The following CDH18 variants were observed in gnomAD, a reference collection of about 807,000 sequenced individuals.
CDH18 encodes cadherin 18.
Under a neutral mutation model 67.9 loss-of-function variants are expected in CDH18, and 31 were observed. The observed-to-expected ratio is 0.46, with a 90% CI of 0.34 to 0.62. The LOEUF is 0.62. Ranked by LOEUF, CDH18 falls within the 20% of genes least tolerant of loss-of-function variation. CDH18 has a pLI of 0.01. For synonymous variants in CDH18, 362 were observed against 347.2 expected (o/e 1.04, Z -0.48); for missense variants, 890 against 975.5 (o/e 0.91, Z 1.17).
At chr5:19,887,713 G>T (rs939991394) in intron 2 of CDH18, among the ~76,000 whole-genome samples, 1 of 151,084 alleles carries the variant, frequency 6.6e-6, no homozygotes, top group Admixed American at 6.6e-5. Flanking sequence ...GTGACCACAG[G>T]TGCACACCAC....
intron 2 of CDH18, among the ~76,000 whole-genome samples, chr5:20,229,269 G>T (rs1461371140): frequency 1.3e-5 from 2 of 152,008 alleles, no homozygotes; most frequent in African/African-American, 4.8e-5. Flanking sequence ...TTGATGCACT[G>T]TGTACTTCAC....
chr5:19,925,212 AGAG>A (rs2150181155), intron 2 of CDH18, among the ~76,000 whole-genome samples: 1 of 152,300 alleles, frequency 6.6e-6, no homozygotes, highest in Admixed American at 6.5e-5. Flanking sequence ...GTCTTCCTGA[AGAG>A]GAGGGCACCC....
At chr5:19,612,968 G>A (rs967755997) in intron 5 of CDH18, among the ~76,000 whole-genome samples, 5 of 151,398 alleles carry the variant, frequency 3.3e-5, no homozygotes, top group Non-Finnish European at 5.9e-5. Context: ...GTGAAACCCC[G>A]TCTCTACTAA....
At chr5:19,961,503 T>C (rs1347603828) in intron 2 of CDH18, among the ~76,000 whole-genome samples, 1 of 152,150 alleles carries the variant, frequency 6.6e-6, no homozygotes, top group Non-Finnish European at 1.5e-5. Flanking sequence ...ATGTTATTGG[T>C]CAATATCAGT....
chr5:20,358,415 C>T (rs535305693), intron 1 of CDH18, among the ~76,000 whole-genome samples: 2 of 152,296 alleles, frequency 1.3e-5, no homozygotes, highest in African/African-American at 4.8e-5. Flanking sequence ...CATCCCATTT[C>T]CTATCAGGTG....
chr5:19,936,167 A>T (rs1391628841), intron 2 of CDH18, among the ~76,000 whole-genome samples: 1 of 151,242 alleles, frequency 6.6e-6, no homozygotes, highest in Non-Finnish European at 1.5e-5. Flanking sequence ...AATTGATTCC[A>T]ATGTATTTTA....
chr5:20,115,270 C>T (rs1477283097), intron 2 of CDH18, among the ~76,000 whole-genome samples: 342 of 58,060 alleles, frequency 5.9e-3, no homozygotes, highest in South Asian at 0.015. Flanking sequence ...AGGGCCTCAT[C>T]TTTTTTTTTT....
intron 1 of CDH18, among the ~76,000 whole-genome samples, chr5:20,426,379 G>A (rs191733067): frequency 1.9e-4 from 28 of 151,144 alleles, no homozygotes; most frequent in Admixed American, 5.2e-4. Context: ...AGAAATTATT[G>A]CAGTTTTTAC....
At chr5:20,286,286 G>T (rs904830455) in intron 1 of CDH18, among the ~76,000 whole-genome samples, 1 of 151,402 alleles carries the variant, frequency 6.6e-6, no homozygotes, top group Non-Finnish European at 1.5e-5. Flanking sequence ...CATTTAGTTA[G>T]GTGATTTGTT....
At chr5:19,913,777 T>C (rs1481800131) in intron 2 of CDH18, among the ~76,000 whole-genome samples, 1 of 152,202 alleles carries the variant, frequency 6.6e-6, no homozygotes, top group East Asian at 1.9e-4. Context: ...CATATTAAAA[T>C]GTTATCTCCT....
At chr5:20,251,264 A>G (rs1743837377) in intron 2 of CDH18, among the ~76,000 whole-genome samples, 1 of 152,104 alleles carries the variant, frequency 6.6e-6, no homozygotes, top group South Asian at 2.1e-4. Context: ...AAAGTTATGA[A>G]TTTTTCATTT....
chr5:19,587,702 T>C (rs928793596), intron 7 of CDH18, among the ~76,000 whole-genome samples: 4 of 151,952 alleles, frequency 2.6e-5, no homozygotes, highest in Non-Finnish European at 2.9e-5. Flanking sequence ...TGTAGCACTG[T>C]AGTATAGTTT....
chr5:19,607,796 G>A (rs908971038), intron 6 of CDH18, among the ~76,000 whole-genome samples: 1 of 150,930 alleles, frequency 6.6e-6, no homozygotes, highest in Admixed American at 6.6e-5. Context: ...TACAATTATA[G>A]AAAACATTAT....
chr5:20,273,664 T>G (rs897987886), intron 1 of CDH18, among the ~76,000 whole-genome samples: 1 of 152,130 alleles, frequency 6.6e-6, no homozygotes, highest in Middle Eastern at 3.2e-3. Flanking sequence ...ATTTTATATT[T>G]GCTAGAAATA....
intron 3 of CDH18, among the ~76,000 whole-genome samples, chr5:19,815,070 A>T (rs1684581944): frequency 1.3e-5 from 2 of 152,126 alleles, no homozygotes; most frequent in South Asian, 2.1e-4. Flanking sequence ...AAACATAATT[A>T]ACCTTAATTA....
At chr5:19,782,909 T>G (rs1483965475) in intron 3 of CDH18, among the ~76,000 whole-genome samples, 1 of 152,198 alleles carries the variant, frequency 6.6e-6, no homozygotes, top group African/African-American at 2.4e-5. Flanking sequence ...TTTTATTTTG[T>G]GTGGCCTACA....
At chr5:20,419,971 G>A (rs1747729386) in intron 1 of CDH18, among the ~76,000 whole-genome samples, 1 of 150,556 alleles carries the variant, frequency 6.6e-6, no homozygotes, top group South Asian at 2.1e-4. Flanking sequence ...AACTTTTCTG[G>A]TAATATATTT....
At chr5:20,526,549 C>T (rs984195485) in intron 1 of CDH18, among the ~76,000 whole-genome samples, 4 of 152,038 alleles carry the variant, frequency 2.6e-5, no homozygotes, top group African/African-American at 4.8e-5. Flanking sequence ...ACGAAGCTTC[C>T]GGAGGAAGGA....
intron 9 of CDH18, among the ~76,000 whole-genome samples, chr5:19,527,727 C>T (rs1342793733): frequency 6.6e-6 from 1 of 151,688 alleles, no homozygotes; most frequent in Non-Finnish European, 1.5e-5. Flanking sequence ...AAACTTATCC[C>T]ATATATTTAT....
Sources: allele counts gnomAD v4.1 joint callset (sites outside exome capture counted in the v4.1 genomes callset), GRCh38; gene constraint gnomAD v4.1.1; transcripts MANE v1.5; gene names NCBI Gene and HGNC (gene_info 2026-07-23, HGNC 2026-07-21).